UPK1A: variants seen among roughly 807,000 people sequenced by gnomAD.
UPK1A encodes the protein uroplakin 1A.
UPK1A carries 31 observed loss-of-function variants against 32.3 expected under a neutral mutation model. The ratio of observed to expected loss-of-function variants is 0.96; its 90% CI spans 0.72 to 1.30. The LOEUF is 1.30. Among genes scored for constraint, UPK1A ranks in the 50% most tolerant of loss-of-function variants. The pLI, the probability that UPK1A is intolerant of heterozygous loss-of-function variation, is 0.00. For synonymous variants in UPK1A, 135 were observed against 137.1 expected (o/e 0.98, Z 0.11); for missense variants, 340 against 357.4 (o/e 0.95, Z 0.39).
At chr19:35,673,142 T>G in intron 3 of UPK1A, 90 bp from the exon 4 acceptor site, 1 of 1,415,072 alleles carries the variant, frequency 7.1e-7, no homozygotes, top group East Asian at 2.3e-5. Context: ...CAAACTTTTT[T>G]AAAACTTGCA....
exon 8 of UPK1A, chr19:35,678,148 T>C: frequency 8.4e-7 from 1 of 1,195,288 alleles, no homozygotes; most frequent in Non-Finnish European, 1.1e-6. Context: ...GTCCTTCCAC[T>C]TCCAAGATCT....
At chr19:35,674,870 T>C (rs1479216064) in intron 5 of UPK1A, among the ~76,000 whole-genome samples, 2 of 151,860 alleles carry the variant, frequency 1.3e-5, no homozygotes, top group East Asian at 3.9e-4. Context: ...GGTGAAACCC[T>C]GTCTCTACAA....
intron 5 of UPK1A, 44 bp downstream of exon 5, chr19:35,673,589 C>G (rs759438941): frequency 1.3e-6 from 2 of 1,568,260 alleles, no homozygotes; most frequent in Non-Finnish European, 1.7e-6. Flanking sequence ...TGGGCTCCGT[C>G]CACAGAGGCC....
At chr19:35,677,595 G>A (rs1229704294) in intron 6 of UPK1A, among the ~76,000 whole-genome samples, 2 of 152,018 alleles carry the variant, frequency 1.3e-5, no homozygotes, top group African/African-American at 4.8e-5. Context: ...GCCATCAGCA[G>A]GGCGGCACCT....
chr19:35,677,212 A>T (rs930505375), intron 6 of UPK1A, among the ~76,000 whole-genome samples: 3 of 151,452 alleles, frequency 2.0e-5, no homozygotes, highest in African/African-American at 7.3e-5. Flanking sequence ...CAAGAGACTT[A>T]AAAAAGGCAA....
intron 3 of UPK1A, among the ~76,000 whole-genome samples, chr19:35,671,136 C>A (rs1968089191): frequency 6.6e-6 from 1 of 151,932 alleles, no homozygotes; most frequent in African/African-American, 2.4e-5. Context: ...CGCCTGTAAT[C>A]CCAGCAGTTT....
chr19:35,668,876 G>T (rs1289420983), intron 3 of UPK1A, among the ~76,000 whole-genome samples: 4 of 150,962 alleles, frequency 2.6e-5, no homozygotes, highest in Non-Finnish European at 5.9e-5. Flanking sequence ...AAAGATGGGG[G>T]TCTCACTATG....
chr19:35,675,344 C>T (rs1263444836), intron 5 of UPK1A, among the ~76,000 whole-genome samples: 2 of 152,036 alleles, frequency 1.3e-5, no homozygotes, highest in Non-Finnish European at 2.9e-5. Context: ...TGCAGTGGCA[C>T]GATCTTGGCT....
At chr19:35,675,904 C>T in exon 6 of UPK1A, 2 of 1,613,934 alleles carry the variant, frequency 1.2e-6, no homozygotes, top group African/African-American at 2.7e-5. Context: ...TTCCGGGCGG[C>T]CACTCCGGAG....
intron 6 of UPK1A, among the ~76,000 whole-genome samples, chr19:35,677,230 T>TAA (rs35582877): frequency 5.7e-5 from 8 of 141,434 alleles, no homozygotes; most frequent in African/African-American, 7.8e-5. Flanking sequence ...CAAGAGACTT[T>TAA]AAAAAAAAAA....
At chr19:35,671,969 T>C (rs1968108860) in intron 3 of UPK1A, among the ~76,000 whole-genome samples, 1 of 152,116 alleles carries the variant, frequency 6.6e-6, no homozygotes, top group African/African-American at 2.4e-5. Context: ...GAGCACACAT[T>C]TCTCTGAGTG....
rs772963912 is a variant in UPK1A, at chr19:35,676,003, A to T, written c.632A>T (p.Asp211Val). 1 of 1,613,294 alleles carries T rather than the reference A, an allele frequency of 6.2e-7. No individual in the cohort carries two copies. The highest frequency in any genetic ancestry group is 8.5e-7 in the Non-Finnish European group (1 of 1,179,748). ...GAGGGCTGCCGCCTGGGGCACATGG[A>T]CTACCTGTTCACCAAGGTGTGGCCG... The change falls in exon 6 of 8, where the codon GAC (aspartate) becomes GTC (valine). Residue 211 changes from aspartate (D) to valine (V), a missense_variant. Transcript: ENST00000617999.
At position 35,675,929 on chromosome 19, in the gene UPK1A, G is replaced by GC; in HGVS notation, c.563dup (p.Leu189ThrfsTer123). The stretch of plus-strand genomic sequence containing the variant: ...CCACTCCGGAGGTGGTGTTCCCCTG[G>GC]CCCCCACTGTGCTGTCGCCGGACGG... On this transcript the variant is annotated frameshift_variant, in exon 6 of 8. Coordinates refer to ENST00000617999, the Ensembl canonical transcript of UPK1A. LOFTEE classifies it high-confidence loss of function. 1 of 1,613,892 alleles carries GC rather than the reference G, an allele frequency of 6.2e-7. No homozygotes were observed. Among genetic ancestry groups the GC allele is most frequent in the Non-Finnish European group, 8.5e-7 (1 of 1,180,000 alleles).
chr19:35,677,947 T>A (rs778094338), intron 7 of UPK1A, 28 bp from the exon 8 acceptor site: 5 of 1,585,676 alleles, frequency 3.2e-6, no homozygotes, highest in Non-Finnish European at 4.3e-6. Flanking sequence ...GGGGGCGGAG[T>A]GCCCTCATCT....
chr19:35,675,569 C>T (rs1968168563), intron 5 of UPK1A, among the ~76,000 whole-genome samples: 1 of 152,186 alleles, frequency 6.6e-6, no homozygotes, highest in Non-Finnish European at 1.5e-5. Context: ...GCGTGAGACA[C>T]CGTGCCCGGC....
intron 2 of UPK1A, among the ~76,000 whole-genome samples, chr19:35,667,555 G>A (rs1477028221): frequency 6.6e-6 from 1 of 151,304 alleles, no homozygotes; most frequent in Non-Finnish European, 1.5e-5. Flanking sequence ...GTGCAGTGGC[G>A]AGATCTCGGC....
chr19:35,675,057 A>AG (rs543230772), intron 5 of UPK1A, among the ~76,000 whole-genome samples: 2,209 of 149,046 alleles, frequency 0.015, 21 homozygotes, highest in Non-Finnish European at 0.017. Flanking sequence ...AAAAAAAAAA[A>AG]AAGAAGAAGA....
Position 35,666,713 on chromosome 19 carries a change from G to A in UPK1A, c.-4-96G>A, listed in dbSNP as rs1968002176. On this transcript the variant is annotated intron_variant, in intron 1 of 7. Coordinates refer to ENST00000617999, the Ensembl canonical transcript of UPK1A. ...AGTACCAGCCTGGGCCCCGCAGAGAGCTGGAGCAACCCCTCGAAGCCAGGG... is the reference window on the plus strand; with the variant it reads ...AGTACCAGCCTGGGCCCCGCAGAGAACTGGAGCAACCCCTCGAAGCCAGGG... The A allele has an allele frequency of 3.9e-6, 5 of 1,271,368 alleles. No homozygotes were observed. In the Admixed American group the frequency reaches 7.1e-5, roughly 18 times the overall value. 78.8% of individuals were successfully genotyped at this position (1,271,368 alleles called of 1,614,324 possible). A position where few individuals can be genotyped will look rare whatever the true frequency, so the allele number is the denominator to read the frequency against.
chr19:35,669,045 C>T lies in UPK1A; in HGVS notation c.285+391C>T, dbSNP rs141253864. Among the ~76,000 whole-genome samples the T allele has an allele frequency of 7.1e-4, 108 of 152,146 alleles. 1 individual carries two copies. The highest frequency in any genetic ancestry group is 2.6e-3 in the African/African-American group (107 of 41,536). ...TTTCCAGAGTCCATGCTCATGAACT[C>T]TGCCAATAATAGCACAGCTACCATT... is the stretch of plus-strand genomic sequence containing the variant. On this transcript the variant is annotated intron_variant, in intron 3 of 7. Coordinates refer to ENST00000617999, the Ensembl canonical transcript of UPK1A.
Sources: allele counts gnomAD v4.1 joint callset (sites outside exome capture counted in the v4.1 genomes callset), GRCh38; gene constraint gnomAD v4.1.1; transcripts MANE v1.5; gene names NCBI Gene and HGNC (gene_info 2026-07-23, HGNC 2026-07-21).